Variants in PAPPA observed in about 807,000 individuals in gnomAD.
PAPPA encodes the protein pappalysin 1, also known as pappalysin-1.
In PAPPA, 60 loss-of-function variants were observed where a neutral mutation model predicts 164.0. The ratio of observed to expected loss-of-function variants is 0.37; its 90% CI spans 0.30 to 0.45. PAPPA has a LOEUF of 0.45. PAPPA is among the 20% of genes least tolerant of loss of function. The pLI, the probability that PAPPA is intolerant of heterozygous loss-of-function variation, is 1.00. For synonymous variants in PAPPA, 875 were observed against 814.1 expected (o/e 1.07, Z -1.27); for missense variants, 1,782 against 2,087.3 (o/e 0.85, Z 2.85).
chr9:116,266,777 A>G (rs956203996), intron 8 of PAPPA, among the ~76,000 whole-genome samples: 3 of 152,250 alleles, frequency 2.0e-5, no homozygotes, highest in Non-Finnish European at 4.4e-5. Context: ...GTTTTCTAGT[A>G]CAAAATAGAG....
intron 7 of PAPPA, among the ~76,000 whole-genome samples, chr9:116,247,954 T>TG (rs1321290490): frequency 2.6e-5 from 4 of 152,156 alleles, no homozygotes; most frequent in African/African-American, 9.7e-5. Context: ...CAAGGAGTGG[T>TG]GGGAAAAACT....
intron 9 of PAPPA, among the ~76,000 whole-genome samples, chr9:116,292,404 T>C (rs1845447900): frequency 6.6e-6 from 1 of 152,116 alleles, no homozygotes; most frequent in Non-Finnish European, 1.5e-5. Flanking sequence ...AGGGTGGTAA[T>C]GATAGAACAA....
chr9:116,193,920 T>G (rs1041248356), intron 2 of PAPPA, among the ~76,000 whole-genome samples: 8 of 152,048 alleles, frequency 5.3e-5, no homozygotes, highest in Non-Finnish European at 1.2e-4. Context: ...TTAGGAAAGG[T>G]TTAATGATGG....
chr9:116,247,873 C>T (rs371382367), intron 7 of PAPPA, among the ~76,000 whole-genome samples: 2 of 152,158 alleles, frequency 1.3e-5, no homozygotes, highest in Admixed American at 6.6e-5. Flanking sequence ...TGCTGTGGAA[C>T]AGCTTTCTTC....
At chr9:116,351,667 G>A (rs901524171) in intron 15 of PAPPA, among the ~76,000 whole-genome samples, 2 of 152,110 alleles carry the variant, frequency 1.3e-5, no homozygotes, top group Non-Finnish European at 2.9e-5. Context: ...ATGATAACTT[G>A]GTCAAGTCAC....
At chr9:116,326,882 A>G (rs920722404) in intron 10 of PAPPA, among the ~76,000 whole-genome samples, 3 of 152,220 alleles carry the variant, frequency 2.0e-5, no homozygotes, top group Admixed American at 1.3e-4. Context: ...TAATGTTCTC[A>G]AAGTTCATTC....
intron 6 of PAPPA, 51 bp from the exon 7 acceptor site, chr9:116,235,088 G>A: frequency 1.2e-6 from 2 of 1,608,312 alleles, no homozygotes; most frequent in South Asian, 2.2e-5. Context: ...CTCTAAGGAT[G>A]GGAATAAAGC....
chr9:116,306,922 G>C (rs1845653879), intron 10 of PAPPA, among the ~76,000 whole-genome samples: 1 of 152,194 alleles, frequency 6.6e-6, no homozygotes, highest in South Asian at 2.1e-4. Context: ...GCTCTCCTAA[G>C]GGATTACAGA....
intron 6 of PAPPA, among the ~76,000 whole-genome samples, chr9:116,229,823 GGTGGCT>G (rs1277040784): frequency 2.0e-5 from 3 of 152,166 alleles, no homozygotes; most frequent in Non-Finnish European, 2.9e-5. Context: ...TGGTGAGGTC[GGTGGCT>G]GTGAGAATGG....
At chr9:116,272,013 G>A (rs1484505407) in intron 9 of PAPPA, among the ~76,000 whole-genome samples, 3 of 152,188 alleles carry the variant, frequency 2.0e-5, no homozygotes, top group Non-Finnish European at 4.4e-5. Flanking sequence ...AGACCAGCCT[G>A]TGTTTAGAAA....
chr9:116,155,890 A>G lies in PAPPA; in HGVS notation c.415+1303A>G, dbSNP rs993870084. On this transcript the variant is annotated intron_variant, in intron 1 of 21. Coordinates refer to ENST00000328252, the MANE Select transcript of PAPPA (RefSeq NM_002581.5). The stretch of plus-strand genomic sequence containing the variant: ...AACAACCCACAACTGACGTCATCGC[A>G]TGCTATTTTTCCTTTTTTTTTTTCC... 2.0e-5 allele frequency among the ~76,000 whole-genome samples: 3 copies of G among 149,662 alleles called. No homozygotes were observed. In the Admixed American group the frequency reaches 2.0e-4, roughly 10 times the overall value.
chr9:116,319,267 C>T (rs544544902), intron 10 of PAPPA, among the ~76,000 whole-genome samples: 10 of 152,250 alleles, frequency 6.6e-5, no homozygotes, highest in African/African-American at 2.2e-4. Context: ...CCGCCACATC[C>T]GACACTAATC....
chr9:116,385,259 A>G (rs987892646), intron 21 of PAPPA, among the ~76,000 whole-genome samples: 1 of 149,044 alleles, frequency 6.7e-6, no homozygotes, highest in African/African-American at 2.5e-5. Flanking sequence ...ATAAATAAAT[A>G]AATAAATAAA....
chr9:116,237,972 G>A (rs1312573907), intron 7 of PAPPA, among the ~76,000 whole-genome samples: 1 of 151,984 alleles, frequency 6.6e-6, no homozygotes, highest in Non-Finnish European at 1.5e-5. Flanking sequence ...GCCTACCTCA[G>A]CCTCCCAAAG....
chr9:116,224,529 A>G (rs1261487923), intron 5 of PAPPA, among the ~76,000 whole-genome samples: 1 of 152,238 alleles, frequency 6.6e-6, no homozygotes, highest in African/African-American at 2.4e-5. Flanking sequence ...CAAAGATGGT[A>G]TATAATAAGT....
intron 1 of PAPPA, among the ~76,000 whole-genome samples, chr9:116,177,174 T>C (rs1013055141): frequency 1.3e-5 from 2 of 152,208 alleles, no homozygotes; most frequent in Admixed American, 6.5e-5. Flanking sequence ...GGATGCTTAT[T>C]GTACACCATG....
intron 14 of PAPPA, among the ~76,000 whole-genome samples, chr9:116,345,312 G>A (rs1363740142): frequency 6.6e-6 from 1 of 152,066 alleles, no homozygotes; most frequent in Non-Finnish European, 1.5e-5. Context: ...CAAGGGAGGT[G>A]CCTTGGAAAA....
intron 1 of PAPPA, among the ~76,000 whole-genome samples, chr9:116,180,621 G>A (rs1025429130): frequency 2.6e-5 from 4 of 152,046 alleles, no homozygotes; most frequent in Non-Finnish European, 5.9e-5. Flanking sequence ...CTCCCAATGA[G>A]AGAAAACAAA....
intron 21 of PAPPA, among the ~76,000 whole-genome samples, chr9:116,389,281 C>A (rs1022277912): frequency 6.6e-6 from 1 of 151,970 alleles, no homozygotes; most frequent in Non-Finnish European, 1.5e-5. Context: ...TACAGGCACA[C>A]ACCACCACAC....
Sources: allele counts gnomAD v4.1 joint callset (sites outside exome capture counted in the v4.1 genomes callset), GRCh38; gene constraint gnomAD v4.1.1; transcripts MANE v1.5; gene names NCBI Gene and HGNC (gene_info 2026-07-23, HGNC 2026-07-21).